The following COLEC12 variants were observed in gnomAD, a reference collection of about 807,000 sequenced individuals.
COLEC12 encodes collectin subfamily member 12.
COLEC12 carries 33 observed loss-of-function variants against 71.1 expected under a neutral mutation model. That is an observed-to-expected ratio of 0.46 (90% CI 0.35 to 0.62). The LOEUF (loss-of-function observed/expected upper bound fraction) is 0.62. Ranked by LOEUF, COLEC12 falls within the 20% of genes least tolerant of loss-of-function variation. COLEC12 has a pLI of 0.00. For synonymous variants in COLEC12, 350 were observed against 353.0 expected, an observed-to-expected ratio of 0.99 and a Z score of 0.10; for missense variants, 765 against 916.1, an observed-to-expected ratio of 0.84 and a Z score of 2.13.
At chr18:341,560 C>G (rs1049705137) in intron 5 of COLEC12, among the ~76,000 whole-genome samples, 1 of 152,182 alleles carries the variant, frequency 6.6e-6, no homozygotes, top group African/African-American at 2.4e-5. Flanking sequence ...TCCTTAACCC[C>G]ACCTGTGTGA....
chr18:472,055 C>T (rs1410953352), intron 2 of COLEC12, among the ~76,000 whole-genome samples: 1 of 152,182 alleles, frequency 6.6e-6, no homozygotes. Flanking sequence ...GGATTATGTA[C>T]GTATTCTAGG....
chr18:329,842 C>T (rs1269668359), intron 8 of COLEC12, among the ~76,000 whole-genome samples: 1 of 152,200 alleles, frequency 6.6e-6, no homozygotes, highest in Admixed American at 6.5e-5. Context: ...CTTTGCGAGG[C>T]CAAGGTGGGA....
intron 2 of COLEC12, among the ~76,000 whole-genome samples, chr18:463,768 A>G (rs1454396250): frequency 6.6e-6 from 1 of 152,184 alleles, no homozygotes; most frequent in Non-Finnish European, 1.5e-5. Flanking sequence ...CACCGGTGAC[A>G]GCCACAGCCC....
chr18:358,340 T>C lies in COLEC12; in HGVS notation c.59-818A>G, dbSNP rs117213214. On this transcript the variant is annotated intron_variant, in intron 2 of 9. Transcript: ENST00000400256. ...TTTATTGTGTACTTTATCTCTATTA[T>C]TATTACATTGTAATATATAATGAAA... Among the ~76,000 whole-genome samples, 231 of 152,310 alleles carry C rather than the reference T, an allele frequency of 1.5e-3. 3 individuals carry two copies. The East Asian group carries it at 0.04, about 26-fold the overall frequency.
chr18:449,668 C>T (rs943257490), intron 2 of COLEC12, among the ~76,000 whole-genome samples: 1 of 152,204 alleles, frequency 6.6e-6, no homozygotes, highest in African/African-American at 2.4e-5. Context: ...AATCTGCCAC[C>T]GTGATTCCTG....
intron 2 of COLEC12, among the ~76,000 whole-genome samples, chr18:368,458 C>A (rs932600063): frequency 6.6e-6 from 1 of 152,172 alleles, no homozygotes; most frequent in African/African-American, 2.4e-5. Context: ...CCTGTAGTCC[C>A]AGCTACTTGG....
At chr18:395,008 A>G (rs535337157) in intron 2 of COLEC12, among the ~76,000 whole-genome samples, 1 of 152,372 alleles carries the variant, frequency 6.6e-6, no homozygotes, top group East Asian at 1.9e-4. Context: ...TAATGAGTAC[A>G]GTGATAGGAA....
Position 474,848 on chromosome 18 carries a change from G to A in COLEC12, c.58+5859C>T, listed in dbSNP as rs145743288. ...TGCAGTTTTGGAGGCCAAGGCAGGC[G>A]GATCACCCAAGGTCAGGAGTTCAAG... On this transcript the variant is annotated intron_variant, in intron 2 of 9. Transcript: ENST00000400256. Among the ~76,000 whole-genome samples the A allele has an allele frequency of 9.5e-4, 145 of 152,178 alleles. 1 individual carries two copies. Among genetic ancestry groups the A allele is most frequent in the African/African-American group, 3.4e-3 (140 of 41,538 alleles).
chr18:496,593 A>T (rs1022570234), intron 1 of COLEC12, among the ~76,000 whole-genome samples: 5 of 152,246 alleles, frequency 3.3e-5, no homozygotes, highest in Admixed American at 2.6e-4. Flanking sequence ...GAGACACTGA[A>T]AAAGCAAAAA....
chr18:467,494 T>C (rs1917111001), intron 2 of COLEC12, among the ~76,000 whole-genome samples: 1 of 152,232 alleles, frequency 6.6e-6, no homozygotes, highest in South Asian at 2.1e-4. Context: ...TTATGTTTTT[T>C]GTCCAATATG....
intron 2 of COLEC12, among the ~76,000 whole-genome samples, chr18:368,819 T>TCG (rs1914926573): frequency 1.3e-5 from 2 of 152,126 alleles, no homozygotes; most frequent in Non-Finnish European, 2.9e-5. Flanking sequence ...TGAGCCGAGA[T>TCG]CACGTCACTG....
chr18:464,276 C>G, intron 2 of COLEC12, among the ~76,000 whole-genome samples: 1 of 152,200 alleles, frequency 6.6e-6, no homozygotes, highest in East Asian at 1.9e-4. Context: ...TATTCTGCAG[C>G]CTCCTCAGCA....
At chr18:494,487 TAAAG>T (rs1253289360) in intron 1 of COLEC12, among the ~76,000 whole-genome samples, 1 of 152,168 alleles carries the variant, frequency 6.6e-6, no homozygotes, top group Admixed American at 6.5e-5. Context: ...ATCACATTGA[TAAAG>T]AAACTGGGGC....
intron 2 of COLEC12, among the ~76,000 whole-genome samples, chr18:373,272 G>A (rs1445123238): frequency 1.3e-5 from 2 of 152,076 alleles, no homozygotes; most frequent in African/African-American, 2.4e-5. Context: ...ACAGTCATAC[G>A]GTTATCCTTT....
chr18:438,110 A>G (rs1210612453), intron 2 of COLEC12, among the ~76,000 whole-genome samples: 1 of 152,242 alleles, frequency 6.6e-6, no homozygotes, highest in Non-Finnish European at 1.5e-5. Flanking sequence ...TGTAAAAGCC[A>G]TATTCTTGAA....
chr18:443,420 G>C (rs1446889589), intron 2 of COLEC12, among the ~76,000 whole-genome samples: 1 of 152,198 alleles, frequency 6.6e-6, no homozygotes, highest in Non-Finnish European at 1.5e-5. Context: ...GGTTAGTAAA[G>C]TGAAACGACT....
At chr18:403,000 TTCA>T (rs1169968111) in intron 2 of COLEC12, among the ~76,000 whole-genome samples, 5 of 152,152 alleles carry the variant, frequency 3.3e-5, no homozygotes, top group Admixed American at 3.3e-4. Context: ...GAGAGGACTT[TTCA>T]ATACTCAGTT....
At position 327,916 on chromosome 18, in the gene COLEC12, T is replaced by C. The variant is rs1380717102; in HGVS notation, c.2063+3752A>G. On this transcript the variant is annotated intron_variant, in intron 8 of 9. Coordinates refer to ENST00000400256, the MANE Select transcript of COLEC12 (RefSeq NM_130386.3). This position sits in a 1 kb window ranked among gnomAD's most constrained non-coding sequence, Gnocchi z 4.0. ...AGAATTTGGCTGTGAAGCCATCTGG[T>C]CCTGGGCTTATCTTTCTGGGAGGTT... 6.6e-6 allele frequency among the ~76,000 whole-genome samples: 1 copy of C among 152,236 alleles called. No homozygotes were observed. The highest frequency in any genetic ancestry group is 1.5e-5 in the Non-Finnish European group (1 of 68,036).
chr18:428,607 C>T (rs1940428), intron 2 of COLEC12, among the ~76,000 whole-genome samples: 91,132 of 152,002 alleles, frequency 0.6, 27,806 homozygotes, highest in South Asian at 0.67. Flanking sequence ...GGGAGTTCAT[C>T]ATAAAAGAAT....
Sources: gnomAD v4.1 joint callset for allele counts (sites outside exome capture counted in the v4.1 genomes callset) on GRCh38, gnomAD v4.1.1 for gene constraint, Gnocchi (gnomAD v3.1) non-coding constraint, MANE v1.5 for transcripts, NCBI Gene and HGNC (gene_info 2026-07-23, HGNC 2026-07-21) for gene names.